DGKB: variants seen among roughly 807,000 people sequenced by gnomAD.
DGKB encodes the protein diacylglycerol kinase beta.
Under a neutral mutation model 114.3 loss-of-function variants are expected in DGKB, and 67 were observed. The observed-to-expected ratio is 0.59, with a 90% CI of 0.48 to 0.72. DGKB has a LOEUF of 0.72. Among genes scored for constraint, DGKB ranks in the 30% least tolerant of loss-of-function variants. DGKB has a pLI of 0.00. For missense variants in DGKB, 907 were observed against 975.2 expected, an observed-to-expected ratio of 0.93 and a Z score of 0.93; for synonymous variants, 398 against 323.1, an observed-to-expected ratio of 1.23 and a Z score of -2.49.
chr7:14,907,999 C>G (rs1466129449), upstream of DGKB, among the ~76,000 whole-genome samples: 2 of 152,176 alleles, frequency 1.3e-5, no homozygotes, highest in East Asian at 3.9e-4. Context: ...TTGTAGTTGT[C>G]CAACTGAAGT....
intron 23 of DGKB, among the ~76,000 whole-genome samples, chr7:14,336,732 C>T (rs759579844): frequency 1.1e-4 from 17 of 152,106 alleles, no homozygotes; most frequent in Non-Finnish European, 2.4e-4. Context: ...AAAAATCATA[C>T]GAAGGAGGGT....
chr7:14,594,064 C>T (rs1404486556), intron 17 of DGKB, among the ~76,000 whole-genome samples: 1 of 151,872 alleles, frequency 6.6e-6, no homozygotes, highest in South Asian at 2.1e-4. Context: ...TAGGTGTTAC[C>T]CAATTCTAGA....
chr7:14,478,009 C>G (rs923858679), intron 21 of DGKB, among the ~76,000 whole-genome samples, 152 bp downstream of exon 21: 5 of 149,394 alleles, frequency 3.3e-5, no homozygotes, highest in Non-Finnish European at 5.9e-5. Context: ...TTCATTTATC[C>G]TACCATCTTA....
rs531214962 is a variant in DGKB at position 14,588,979 on chromosome 7, G to A, written c.1434-5842C>T. Among the ~76,000 whole-genome samples the A allele has an allele frequency of 5.9e-5, 9 of 152,024 alleles. No individual in the cohort carries two copies. In the East Asian group the frequency reaches 1.2e-3, roughly 20 times the overall value. ...CATTAAAACTATATATTAATTTTGG[G>A]AGAAATAACACACGTATAATATGAA... is the stretch of plus-strand genomic sequence containing the variant. On this transcript the variant is annotated intron_variant, in intron 17 of 25. Coordinates refer to ENST00000402815, the MANE Select transcript of DGKB (RefSeq NM_001350709.2).
chr7:14,509,317 G>A (rs950093773), intron 20 of DGKB, among the ~76,000 whole-genome samples: 5 of 152,012 alleles, frequency 3.3e-5, no homozygotes, highest in African/African-American at 1.2e-4. Flanking sequence ...GCCATGGGTG[G>A]CCTCTGAAGA....
chr7:14,286,805 G>T (rs1800941398), intron 23 of DGKB, among the ~76,000 whole-genome samples: 2 of 151,900 alleles, frequency 1.3e-5, no homozygotes, highest in Non-Finnish European at 2.9e-5. Flanking sequence ...ACATATTTTG[G>T]TTATTATTAG....
At chr7:14,409,926 CACACA>C (rs1563123881) in intron 21 of DGKB, among the ~76,000 whole-genome samples, 2 of 152,098 alleles carry the variant, frequency 1.3e-5, no homozygotes, top group East Asian at 3.9e-4. Flanking sequence ...TGTAGTAGTA[CACACA>C]ACATACAAAA....
chr7:14,250,622 T>C (rs1056938758), intron 23 of DGKB, among the ~76,000 whole-genome samples: 8 of 152,142 alleles, frequency 5.3e-5, no homozygotes, highest in African/African-American at 1.9e-4. Context: ...TTCTGCTGTG[T>C]TGGATGGAAT....
intron 20 of DGKB, among the ~76,000 whole-genome samples, chr7:14,488,863 CAACAA>C (rs1784217719): frequency 6.3e-5 from 2 of 31,548 alleles, no homozygotes; most frequent in African/African-American, 4.1e-4. Context: ...AAAAAAAACC[CAACAA>C]CAACAACAAC....
chr7:14,346,706 T>C (rs1812537022), intron 21 of DGKB, among the ~76,000 whole-genome samples: 1 of 151,990 alleles, frequency 6.6e-6, no homozygotes, highest in Non-Finnish European at 1.5e-5. Flanking sequence ...GATGTGTCTA[T>C]ATTAAATTAA....
At chr7:14,363,200 T>C (rs1042687201) in intron 21 of DGKB, among the ~76,000 whole-genome samples, 3 of 152,112 alleles carry the variant, frequency 2.0e-5, no homozygotes, top group Non-Finnish European at 4.4e-5. Flanking sequence ...TTATTGCTGA[T>C]TAAAGCCACT....
chr7:14,574,296 C>A lies in DGKB; in HGVS notation c.1686G>T (p.Lys562Asn), dbSNP rs750582421. 19 of 1,613,190 alleles carry A rather than the reference C, an allele frequency of 1.2e-5. No individual in the cohort carries two copies. Among genetic ancestry groups the A allele is most frequent in the Non-Finnish European group, 1.5e-5 (18 of 1,179,478 alleles). ...CTTTGTCATTAGGTATGACTTCAAA[C>A]TTCCACCTGTCCAACATGATTTCTG... ...NSTEIMLDRWKFEVIPNDKDE... is the reference protein window; with the variant it reads ...NSTEIMLDRWNFEVIPNDKDE... Residue 562 changes from lysine to asparagine, a missense_variant, in exon 20 of 26, where the codon AAG (lysine) becomes AAT (asparagine). Lys to Asn is a moderately conservative substitution (Grantham distance 94, BLOSUM62 0). Transcript: ENST00000402815.
intron 9 of DGKB, among the ~76,000 whole-genome samples, chr7:14,688,117 G>C (rs988254267): frequency 6.6e-6 from 1 of 152,090 alleles, no homozygotes; most frequent in African/African-American, 2.4e-5. Context: ...TTCATGTCTT[G>C]TCTTGTTTAT....
chr7:14,255,977 A>G (rs1795910177), intron 23 of DGKB, among the ~76,000 whole-genome samples: 1 of 152,198 alleles, frequency 6.6e-6, no homozygotes, highest in Admixed American at 6.5e-5. Context: ...TCATGAAATA[A>G]TTCTATGTGC....
chr7:14,538,453 C>A (rs1229238618), intron 20 of DGKB, among the ~76,000 whole-genome samples: 2 of 152,042 alleles, frequency 1.3e-5, no homozygotes, highest in Non-Finnish European at 2.9e-5. Flanking sequence ...TTATTCCTGT[C>A]AGGATGGCTA....
chr7:14,348,862 A>C (rs1812933186), intron 21 of DGKB, among the ~76,000 whole-genome samples: 1 of 151,844 alleles, frequency 6.6e-6, no homozygotes, highest in Non-Finnish European at 1.5e-5. Flanking sequence ...AGTTCTGTGC[A>C]CCTTTGGGAG....
chr7:14,694,663 A>T (rs767968649), intron 8 of DGKB, among the ~76,000 whole-genome samples: 1 of 152,198 alleles, frequency 6.6e-6, no homozygotes, highest in Non-Finnish European at 1.5e-5. Flanking sequence ...TAAAGGATCA[A>T]ATCAAGTTTA....
chr7:14,302,039 C>G (rs1222961748), intron 23 of DGKB, among the ~76,000 whole-genome samples: 1 of 152,074 alleles, frequency 6.6e-6, no homozygotes, highest in Non-Finnish European at 1.5e-5. Flanking sequence ...TCCTACAGAG[C>G]AAGGACGATG....
chr7:14,914,504 A>G (rs1288542034), intron 1 of DGKB, among the ~76,000 whole-genome samples: 1 of 152,174 alleles, frequency 6.6e-6, no homozygotes, highest in Non-Finnish European at 1.5e-5. Context: ...AGCAAATATT[A>G]AGTACAACCC....
Sources: allele counts gnomAD v4.1 joint callset (sites outside exome capture counted in the v4.1 genomes callset), GRCh38; gene constraint gnomAD v4.1.1; transcripts MANE v1.5; gene names NCBI Gene and HGNC (gene_info 2026-07-23, HGNC 2026-07-21).